Variants in KIF21B observed in about 807,000 individuals in gnomAD.
KIF21B encodes kinesin family member 21B.
In KIF21B, 85 loss-of-function variants were observed where a neutral mutation model predicts 192.9. The ratio of observed to expected loss-of-function variants is 0.44; its 90% CI spans 0.37 to 0.53. The LOEUF (loss-of-function observed/expected upper bound fraction) is 0.53, where lower values mean the gene tolerates loss of function less well. Among genes scored for constraint, KIF21B ranks in the 20% least tolerant of loss-of-function variants. KIF21B has a pLI of 0.00. For missense variants in KIF21B, 1,716 were observed against 2,194.8 expected (o/e 0.78, Z 4.36); for synonymous variants, 832 against 884.6 (o/e 0.94, Z 1.05).
chr1:200,974,068 AGAG>A, intron 34 of KIF21B: 1 of 1,609,760 alleles, frequency 6.2e-7, no homozygotes. Flanking sequence ...GAAGAATGAA[AGAG>A]GAGACAGGGA....
intron 24 of KIF21B, 143 bp downstream of exon 24, chr1:200,988,153 C>A (rs1231041645): frequency 6.0e-6 from 5 of 827,220 alleles, no homozygotes; most frequent in Non-Finnish European, 1.0e-5. Flanking sequence ...CAATTCCAGA[C>A]TAAATTTTCT....
At chr1:200,980,855 C>G in intron 29 of KIF21B, 105 bp downstream of exon 29, 1 of 1,417,062 alleles carries the variant, frequency 7.1e-7, no homozygotes, top group South Asian at 1.3e-5. Context: ...ATCCTCAACT[C>G]CTGGGGGCTC....
In KIF21B at chr1:200,999,270, G is replaced by C; in HGVS notation, c.1885+79C>G. ...CTGGGGCCTGGACACCATTATCTTT[G>C]AGCAGGGCCCGACCCCACACTTGGG... On this transcript the variant is annotated intron_variant, in intron 13 of 34. Coordinates refer to ENST00000461742, the MANE Select transcript of KIF21B (RefSeq NM_001252102.2). The surrounding 1 kb of genome is among the most constrained non-coding windows in gnomAD (Gnocchi z 4.7). 1 of 1,561,478 alleles carries C rather than the reference G, an allele frequency of 6.4e-7. No individual in the cohort carries two copies. The highest frequency in any genetic ancestry group is 8.8e-7 in the Non-Finnish European group (1 of 1,134,598).
At chr1:201,020,530 ACTAGC>A (rs2102486764) in intron 1 of KIF21B, among the ~76,000 whole-genome samples, 1 of 152,272 alleles carries the variant, frequency 6.6e-6, no homozygotes, top group African/African-American at 2.4e-5. Context: ...TGCAAAGCCG[ACTAGC>A]CTGGGTTCAG....
At position 200,975,570 on chromosome 1, in the gene KIF21B, C is replaced by A; in HGVS notation, c.4543G>T (p.Asp1515Tyr). 6.2e-7 allele frequency: 1 copy of A among 1,614,084 alleles called. No homozygotes were observed. Among genetic ancestry groups the A allele is most frequent in the African/African-American group, 1.3e-5 (1 of 75,064 alleles). ...TCTCGGGAGCCACTGAACAGGATGTCTCCCTGGATGGCGAGACACTCGATG... is the reference window on the plus strand; with the variant it reads ...TCTCGGGAGCCACTGAACAGGATGTATCCCTGGATGGCGAGACACTCGATG... ...DGIECLAIQG[D>Y]ILFSGSRDNG... Residue 1515 changes from aspartate (D) to tyrosine (Y), a missense_variant, in exon 33 of 35, where the codon GAC (aspartate) becomes TAC (tyrosine). By Grantham distance (160) the Asp-to-Tyr change is radical. Transcript: ENST00000461742. This position sits in a 1 kb window ranked among gnomAD's most constrained non-coding sequence, Gnocchi z 4.3.
rs1557992671 is a variant in KIF21B at position 200,973,456 on chromosome 1, C to T, written c.*65G>A. The T allele has an allele frequency of 7.2e-7, 1 of 1,386,538 alleles. No individual in the cohort carries two copies. Among genetic ancestry groups the T allele is most frequent in the Non-Finnish European group, 9.3e-7 (1 of 1,078,584 alleles). 85.9% of individuals were successfully genotyped at this position (1,386,538 alleles called of 1,614,324 possible). ...GCTGGCCCCATCGGCCGGGTCACAG[C>T]TTCCCTTCCATGGTGTCCAGGCTGC... On this transcript the variant is annotated 3_prime_UTR_variant, in exon 35 of 35. Transcript: ENST00000461742.
intron 3 of KIF21B, among the ~76,000 whole-genome samples, chr1:201,007,531 G>GAC (rs1258227460): frequency 1.8e-5 from 2 of 108,994 alleles, no homozygotes; most frequent in South Asian, 5.8e-4. Context: ...GAGACACACA[G>GAC]ACACACACAC....
In KIF21B at chr1:200,974,779, G is replaced by A. The variant is rs767857033; in HGVS notation, c.4749C>T (p.Ile1583=). The part of the protein sequence containing the change: ...NVDNFTPIGE[I]KGHDSPINAI... ...CATTGATGGGACTGTCGTGGCCCTT[G>A]ATCTCACCGATGGGTGTGAAGTTGT... The change falls in exon 34 of 35, where the codon ATC becomes ATT. Residue 1583 remains isoleucine (I), a synonymous_variant. Coordinates refer to ENST00000461742, the MANE Select transcript of KIF21B (RefSeq NM_001252102.2). 37 of 1,614,128 alleles carry A rather than the reference G, an allele frequency of 2.3e-5. No individual in the cohort carries two copies. The highest frequency in any genetic ancestry group is 6.7e-5 in the East Asian group (3 of 44,898).
chr1:201,008,641 G>A, intron 3 of KIF21B, 128 bp downstream of exon 3: 1 of 864,726 alleles, frequency 1.2e-6, no homozygotes, highest in Non-Finnish European at 1.8e-6. Flanking sequence ...CAATAGCAGG[G>A]AACTCATCAC....
At position 201,005,467 on chromosome 1, in the gene KIF21B, G is replaced by T. The variant is rs144401048; in HGVS notation, c.598-25C>A. Reference sequence around the variant, plus strand: ...GCTGGAAACAGAAGCAGAAGTGAGGGCTTGGGACTACCGTGGTGCCAGCCC... The same window carrying T: ...GCTGGAAACAGAAGCAGAAGTGAGGTCTTGGGACTACCGTGGTGCCAGCCC... On this transcript the variant is annotated intron_variant, in intron 4 of 34. Coordinates refer to ENST00000461742, the MANE Select transcript of KIF21B (RefSeq NM_001252102.2). 1.3e-3 allele frequency: 2,105 copies of T among 1,598,570 alleles called. 15 individuals are homozygous for T. In the African/African-American group the frequency reaches 0.017, roughly 13 times the overall value.
At chr1:200,984,128 C>T (rs1648207310) in intron 27 of KIF21B, among the ~76,000 whole-genome samples, 2 of 152,156 alleles carry the variant, frequency 1.3e-5, no homozygotes, top group East Asian at 1.9e-4. Context: ...ATAGGGTCCT[C>T]CCCTTTCCTG....
chr1:201,011,442 C>A (rs1232695864), intron 1 of KIF21B, among the ~76,000 whole-genome samples: 1 of 152,232 alleles, frequency 6.6e-6, no homozygotes, highest in Non-Finnish European at 1.5e-5. Context: ...AGGAGCAGAG[C>A]CAGGGCTTGA....
rs1375090409 is a variant in KIF21B at position 200,989,933 on chromosome 1, C to T, written c.3132+9G>A. 1 of 1,610,552 alleles carries T rather than the reference C, an allele frequency of 6.2e-7. No homozygotes were observed. The highest frequency in any genetic ancestry group is 1.6e-4 in the Middle Eastern group (1 of 6,082). ...TAGAGCCCCCTGCCCATGTACGCTC[C>T]CAGCTTACCTTGTCAATGGATGCCT... is the stretch of plus-strand genomic sequence containing the variant. On this transcript the variant is annotated intron_variant, in intron 21 of 34. Coordinates refer to ENST00000461742, the MANE Select transcript of KIF21B (RefSeq NM_001252102.2).
intron 27 of KIF21B, 46 bp downstream of exon 27, chr1:200,984,813 T>C (rs1656179885): frequency 2.9e-6 from 4 of 1,392,558 alleles, no homozygotes; most frequent in Non-Finnish European, 3.9e-6. Flanking sequence ...AGGCTCCCCA[T>C]TGCCACCTCA....
At chr1:200,995,982 TG>T (rs1442141318) in intron 15 of KIF21B, among the ~76,000 whole-genome samples, 1 of 152,136 alleles carries the variant, frequency 6.6e-6, no homozygotes, top group Non-Finnish European at 1.5e-5. Flanking sequence ...CCCCGCACAC[TG>T]GCCCCACTAC....
chr1:200,983,149 G>C, intron 27 of KIF21B, 55 bp from the exon 28 acceptor site: 1 of 1,447,080 alleles, frequency 6.9e-7, no homozygotes, highest in Non-Finnish European at 9.4e-7. Context: ...CACACACAGA[G>C]GGACGCAGAG....
rs138144767 is a variant in KIF21B, at chr1:201,002,975, G to A, written c.1212+611C>T. 624 of 159,232 alleles carry A rather than the reference G, an allele frequency of 3.9e-3. 2 individuals carry two copies. Among genetic ancestry groups the A allele is most frequent in the Non-Finnish European group, 6.6e-3 (472 of 71,902 alleles). 9.9% of individuals were successfully genotyped at this position (159,232 alleles called of 1,614,324 possible). On this transcript the variant is annotated intron_variant, in intron 8 of 34. Transcript: ENST00000461742. ...TGGTGACTTCTGTCTTAGTCACATAGAATTAGACATTTACCCCAAAGGACC... is the reference window on the plus strand; with the variant it reads ...TGGTGACTTCTGTCTTAGTCACATAAAATTAGACATTTACCCCAAAGGACC...
Position 200,988,839 on chromosome 1 carries a change from C to T in KIF21B, c.3225G>A (p.Leu1075=). ...TDMAGSSQNH[L]LLDALREKAE... is the part of the protein sequence containing the mutation. ...CCTTCTCACGCAGGGCGTCCAGGAG[C>T]AGATGGTTCTGGGAGGAGCCTGCCA... Residue 1075 remains leucine, a synonymous_variant, in exon 22 of 35, where the codon CTG becomes CTA. Transcript: ENST00000461742. 6.2e-7 allele frequency: 1 copy of T among 1,613,274 alleles called. No individual in the cohort carries two copies. The highest frequency in any genetic ancestry group is 8.5e-7 in the Non-Finnish European group (1 of 1,179,670).
chr1:200,984,777 G>C, intron 27 of KIF21B, 82 bp downstream of exon 27: 1 of 1,080,932 alleles, frequency 9.3e-7, no homozygotes, highest in Non-Finnish European at 1.3e-6. Flanking sequence ...GGCCACCTGA[G>C]CCCTCCTCCA....
Sources: gnomAD v4.1 joint callset for allele counts (sites outside exome capture counted in the v4.1 genomes callset) on GRCh38, gnomAD v4.1.1 for gene constraint, Gnocchi (gnomAD v3.1) non-coding constraint, MANE v1.5 for transcripts, NCBI Gene and HGNC (gene_info 2026-07-23, HGNC 2026-07-21) for gene names.